CLASP1: variants seen among roughly 807,000 people sequenced by gnomAD.
CLASP1 encodes cytoplasmic linker associated protein 1, also known as CLIP-associating protein 1.
Under a neutral mutation model 192.3 loss-of-function variants are expected in CLASP1, and 38 were observed. The ratio of observed to expected loss-of-function variants is 0.20; its 90% confidence interval spans 0.15 to 0.26. The LOEUF (loss-of-function observed/expected upper bound fraction) is 0.26. Among genes scored for constraint, CLASP1 ranks in the 10% least tolerant of loss-of-function variants. The probability of loss-of-function intolerance (pLI) is 1.00; values close to 1 mark genes in which losing one functional copy is unlikely to be tolerated. For missense variants in CLASP1, 1,433 were observed against 1,932.5 expected, an observed-to-expected ratio of 0.74 and a Z score of 4.85; for synonymous variants, 691 against 712.8, an observed-to-expected ratio of 0.97 and a Z score of 0.49.
At chr2:121,500,831 G>T (rs895537303) in intron 8 of CLASP1, among the ~76,000 whole-genome samples, 2 of 152,170 alleles carry the variant, frequency 1.3e-5, no homozygotes, top group Non-Finnish European at 2.9e-5. Context: ...AAGAAATTTT[G>T]TTAAGGCTTC....
At chr2:121,364,061 T>G (rs961581078) in intron 36 of CLASP1, 4 of 152,260 alleles carry the variant, frequency 2.6e-5, no homozygotes, top group Admixed American at 6.5e-5. Context: ...CTTTGTTTTT[T>G]TTAAAAGTAT....
chr2:121,399,212 G>A (rs1367634410), intron 28 of CLASP1, among the ~76,000 whole-genome samples: 1 of 152,162 alleles, frequency 6.6e-6, no homozygotes, highest in Non-Finnish European at 1.5e-5. Context: ...GGTTTGAAAA[G>A]TCAATAAAAT....
intron 2 of CLASP1, among the ~76,000 whole-genome samples, chr2:121,604,439 C>A (rs957257468): frequency 1.3e-5 from 2 of 152,226 alleles, no homozygotes; most frequent in Middle Eastern, 3.4e-3. Context: ...GAGGAGGAGG[C>A]GGGTGGCTTG....
intron 2 of CLASP1, among the ~76,000 whole-genome samples, chr2:121,543,192 C>T (rs542696773): frequency 1.3e-5 from 2 of 152,150 alleles, no homozygotes; most frequent in Admixed American, 6.6e-5. Flanking sequence ...AAAATAAGGC[C>T]GGTTATGTGA....
chr2:121,427,358 CCAA>C (rs201487859), intron 21 of CLASP1, 43 bp downstream of exon 21: 297 of 1,595,446 alleles, frequency 1.9e-4, no homozygotes, highest in South Asian at 1.1e-3. Context: ...GGGGAGAATG[CCAA>C]CAACAACAAC....
At chr2:121,577,215 G>A (rs78409097) in intron 2 of CLASP1, among the ~76,000 whole-genome samples, 3 of 149,102 alleles carry the variant, frequency 2.0e-5, no homozygotes, top group Admixed American at 6.7e-5. Context: ...TTACTCTTAC[G>A]TATCTTTAAA....
At chr2:121,636,811 T>C (rs2070970306) in intron 1 of CLASP1, among the ~76,000 whole-genome samples, 1 of 152,230 alleles carries the variant, frequency 6.6e-6, no homozygotes, top group Non-Finnish European at 1.5e-5. Context: ...AAGATCAAGA[T>C]ACTACCGTCA....
chr2:121,612,897 G>A (rs1392738102), intron 1 of CLASP1, among the ~76,000 whole-genome samples: 1 of 152,106 alleles, frequency 6.6e-6, no homozygotes, highest in African/African-American at 2.4e-5. Context: ...TTACAGAGAA[G>A]AATTACCTTA....
intron 18 of CLASP1, 53 bp downstream of exon 18, chr2:121,448,223 C>A: frequency 6.6e-7 from 1 of 1,516,324 alleles, no homozygotes; most frequent in Non-Finnish European, 9.2e-7. Context: ...TGCAGCTGCA[C>A]GTACAGCCCA....
chr2:121,620,470 A>G (rs951681288), intron 1 of CLASP1, among the ~76,000 whole-genome samples: 2 of 151,900 alleles, frequency 1.3e-5, no homozygotes, highest in African/African-American at 4.8e-5. Flanking sequence ...CCACCTTAGC[A>G]TTCCAAGTAG....
chr2:121,367,261 C>T (rs1172981915), intron 35 of CLASP1, among the ~76,000 whole-genome samples: 1 of 152,214 alleles, frequency 6.6e-6, no homozygotes, highest in African/African-American at 2.4e-5. Flanking sequence ...CCTGGCCTAC[C>T]TGGGCCCTGG....
chr2:121,482,835 T>A (rs1236117448), intron 8 of CLASP1, among the ~76,000 whole-genome samples: 4 of 152,162 alleles, frequency 2.6e-5, no homozygotes, highest in Non-Finnish European at 4.4e-5. Context: ...GCTTCATGTG[T>A]CGTTAAGGAC....
intron 31 of CLASP1, 55 bp downstream of exon 32, chr2:121,387,708 G>A (rs1004297754): frequency 1.9e-5 from 30 of 1,569,820 alleles, no homozygotes; most frequent in Non-Finnish European, 2.5e-5. Flanking sequence ...CTAGATAAGG[G>A]CTACGCAGAG....
At chr2:121,407,742 T>C in intron 24 of CLASP1, 27 bp from the exon 26 acceptor site, 1 of 1,612,936 alleles carries the variant, frequency 6.2e-7, no homozygotes, top group Non-Finnish European at 8.5e-7. Flanking sequence ...GGGATGGGAG[T>C]GATTGAGGAA....
At chr2:121,491,604 C>G (rs1188538851) in intron 8 of CLASP1, among the ~76,000 whole-genome samples, 2 of 152,112 alleles carry the variant, frequency 1.3e-5, no homozygotes, top group Non-Finnish European at 1.5e-5. Context: ...GAAGGAAAAA[C>G]TGTAATTTTT....
At chr2:121,515,149 TG>T (rs2094251199) in intron 7 of CLASP1, among the ~76,000 whole-genome samples, 1 of 152,248 alleles carries the variant, frequency 6.6e-6, no homozygotes, top group African/African-American at 2.4e-5. Flanking sequence ...GGACTCCAAT[TG>T]TCTTGGGTCT....
At chr2:121,573,406 A>C (rs1459798356) in intron 2 of CLASP1, among the ~76,000 whole-genome samples, 1 of 152,254 alleles carries the variant, frequency 6.6e-6, no homozygotes, top group Non-Finnish European at 1.5e-5. Flanking sequence ...CTAATAAATT[A>C]GTTCTCTAAT....
chr2:121,338,240 G>A (rs2062495431), exon 40 of CLASP1: 1 of 152,244 alleles, frequency 6.6e-6, no homozygotes, highest in East Asian at 1.9e-4. Context: ...AGCTAGTGAG[G>A]CGCATAGAAA....
At chr2:121,431,400 C>A (rs1018516287) in intron 19 of CLASP1, among the ~76,000 whole-genome samples, 2 of 151,908 alleles carry the variant, frequency 1.3e-5, no homozygotes, top group Non-Finnish European at 2.9e-5. Flanking sequence ...GATGAGAAAA[C>A]CGAGAAACAG....
Sources: allele counts gnomAD v4.1 joint callset (sites outside exome capture counted in the v4.1 genomes callset), GRCh38; gene constraint gnomAD v4.1.1; transcripts MANE v1.5; gene names NCBI Gene and HGNC (gene_info 2026-07-23, HGNC 2026-07-21).